The following AOAH variants were observed in gnomAD, a reference collection of about 807,000 sequenced individuals.
The protein encoded by AOAH is acyloxyacyl hydrolase.
Under a neutral mutation model 92.2 loss-of-function variants are expected in AOAH, and 64 were observed. The ratio of observed to expected loss-of-function variants is 0.69; its 90% CI spans 0.57 to 0.86. The LOEUF (loss-of-function observed/expected upper bound fraction) is 0.86. AOAH is among the 40% of genes least tolerant of loss of function. The probability of loss-of-function intolerance (pLI) is 0.00; values close to 1 mark genes in which losing one functional copy is unlikely to be tolerated. For missense variants in AOAH, 656 were observed against 694.6 expected, an observed-to-expected ratio of 0.94 and a Z score of 0.62; for synonymous variants, 263 against 254.5, an observed-to-expected ratio of 1.03 and a Z score of -0.32.
intron 19 of AOAH, 21 bp downstream of exon 19, chr7:36,530,397 T>C (rs1339807109): frequency 1.9e-6 from 3 of 1,543,248 alleles, no homozygotes; most frequent in Non-Finnish European, 2.7e-6. Flanking sequence ...CTTCTGTCAA[T>C]ACCCAAACAA....
chr7:36,623,286 C>A lies in AOAH; in HGVS notation c.522-36G>T. 1.9e-6 allele frequency: 3 copies of A among 1,584,842 alleles called. No individual in the cohort carries two copies. In the South Asian group the frequency reaches 3.3e-5, roughly 18 times the overall value. The stretch of plus-strand genomic sequence containing the variant: ...GAAAACAAAACAATCGGTGAGCTAA[C>A]AAAAAAAGTAACAGTGTTGGTGAAA... On this transcript the variant is annotated intron_variant, in intron 6 of 20. Coordinates refer to ENST00000617537, the MANE Select transcript of AOAH (RefSeq NM_001637.4).
At chr7:36,723,315 C>T (rs1178404324) in intron 1 of AOAH, among the ~76,000 whole-genome samples, 1 of 152,066 alleles carries the variant, frequency 6.6e-6, no homozygotes, top group Non-Finnish European at 1.5e-5. Flanking sequence ...AAAGATCTTA[C>T]CTTACTTCCT....
chr7:36,535,038 GTGTGTGTGTATGTGTC>G (rs1784944851), intron 16 of AOAH, among the ~76,000 whole-genome samples: 1 of 105,952 alleles, frequency 9.4e-6, no homozygotes, highest in African/African-American at 4.3e-5. Flanking sequence ...GTGTGTGTCT[GTGTGTGTGTATGTGTC>G]TGTGTGTGTG....
chr7:36,583,011 A>G (rs529521809), intron 12 of AOAH, among the ~76,000 whole-genome samples: 41 of 152,224 alleles, frequency 2.7e-4, no homozygotes, highest in African/African-American at 9.1e-4. Context: ...TGCCCAGCTA[A>G]TTTTTGTAAT....
At chr7:36,532,366 T>G (rs1392761188) in intron 16 of AOAH, 22 bp from the exon 17 acceptor site, 2 of 1,612,258 alleles carry the variant, frequency 1.2e-6, no homozygotes, top group Non-Finnish European at 1.7e-6. Context: ...AGAGGTCTGG[T>G]AGATTGCATC....
At position 36,516,731 on chromosome 7, in the gene AOAH, G is replaced by C. The variant is rs1028558168; in HGVS notation, c.1600-3351C>G. Among the ~76,000 whole-genome samples the C allele has an allele frequency of 1.3e-5, 2 of 152,116 alleles. No homozygotes were observed. The highest frequency in any genetic ancestry group is 4.8e-5 in the African/African-American group (2 of 41,400). ...CTGGTTCTTCTTTTTTGTGTTATTG[G>C]CTTTCAACTTGATACACCTAAGCTC... On this transcript the variant is annotated intron_variant, in intron 20 of 20. Coordinates refer to ENST00000617537, the MANE Select transcript of AOAH (RefSeq NM_001637.4). The surrounding 1 kb of genome is among the most constrained non-coding windows in gnomAD (Gnocchi z 5.0).
chr7:36,684,561 GT>G (rs1270548899), intron 2 of AOAH, among the ~76,000 whole-genome samples: 2 of 152,030 alleles, frequency 1.3e-5, no homozygotes, highest in African/African-American at 2.4e-5. Flanking sequence ...GAATATCACA[GT>G]TTTAAAACCC....
intron 20 of AOAH, among the ~76,000 whole-genome samples, chr7:36,521,632 G>A (rs531098990): frequency 3.8e-4 from 58 of 151,454 alleles, no homozygotes; most frequent in Non-Finnish European, 6.2e-4. Context: ...TTTCTCATGG[G>A]TCTCACTTCC....
chr7:36,592,143 C>A (rs888218738), intron 12 of AOAH, among the ~76,000 whole-genome samples: 22 of 152,086 alleles, frequency 1.4e-4, no homozygotes, highest in African/African-American at 5.1e-4. Context: ...GTCATAAAAG[C>A]CTTGATTGAG....
At chr7:36,642,309 T>C (rs1397330430) in intron 4 of AOAH, among the ~76,000 whole-genome samples, 1 of 151,950 alleles carries the variant, frequency 6.6e-6, no homozygotes, top group African/African-American at 2.4e-5. Context: ...CAGAACACTG[T>C]GCAAAGGAAG....
intron 16 of AOAH, 63 bp from the exon 17 acceptor site, chr7:36,532,407 TG>T (rs1784751018): frequency 2.0e-6 from 3 of 1,503,912 alleles, no homozygotes; most frequent in Non-Finnish European, 2.8e-6. Flanking sequence ...TAGAGGCACC[TG>T]GGGGCTTCCC....
chr7:36,602,634 G>A (rs548201856), intron 11 of AOAH, among the ~76,000 whole-genome samples: 3 of 152,034 alleles, frequency 2.0e-5, no homozygotes, highest in African/African-American at 7.2e-5. Flanking sequence ...AAATGAGCAC[G>A]AAGAGGTACA....
At chr7:36,653,990 G>T (rs1005660612) in intron 4 of AOAH, among the ~76,000 whole-genome samples, 1 of 152,160 alleles carries the variant, frequency 6.6e-6, no homozygotes, top group Non-Finnish European at 1.5e-5. Context: ...AGAACCACTG[G>T]ATACACACGA....
chr7:36,546,104 C>T (rs1785784207), intron 15 of AOAH, among the ~76,000 whole-genome samples: 1 of 152,214 alleles, frequency 6.6e-6, no homozygotes, highest in African/African-American at 2.4e-5. Flanking sequence ...CTTCCTGATG[C>T]TAAAAGCTAT....
At chr7:36,607,779 C>G (rs962543072) in intron 11 of AOAH, among the ~76,000 whole-genome samples, 1 of 152,192 alleles carries the variant, frequency 6.6e-6, no homozygotes, top group African/African-American at 2.4e-5. Flanking sequence ...CTTTTCCTTC[C>G]TCTTGCTGGC....
intron 1 of AOAH, among the ~76,000 whole-genome samples, chr7:36,720,080 A>G (rs1269604774): frequency 2.0e-5 from 3 of 152,086 alleles, no homozygotes; most frequent in Non-Finnish European, 4.4e-5. Context: ...CTTTGAGATA[A>G]CTGAAGCTTC....
At chr7:36,670,053 G>A (rs1795816825) in intron 3 of AOAH, among the ~76,000 whole-genome samples, 1 of 148,410 alleles carries the variant, frequency 6.7e-6, no homozygotes, top group Non-Finnish European at 1.5e-5. Flanking sequence ...GAGTTCTCAG[G>A]TATCCTTTTT....
intron 6 of AOAH, among the ~76,000 whole-genome samples, chr7:36,631,506 G>C (rs1793098134): frequency 1.3e-5 from 2 of 152,198 alleles, no homozygotes; most frequent in East Asian, 3.9e-4. Flanking sequence ...AGTGGAGCTG[G>C]AATATGGACA....
chr7:36,724,467 G>A lies in AOAH; in HGVS notation c.-319C>T. The A allele has an allele frequency of 4.3e-6, 1 of 230,736 alleles. No homozygotes were observed. 14.3% of individuals were successfully genotyped at this position (230,736 alleles called of 1,614,324 possible). Reference sequence around the variant, plus strand: ...TAAAGAAAACCCAAGTTGCACAGTGGCACAACTTCCGTGCTCCCTGGCTCA... The same window carrying A: ...TAAAGAAAACCCAAGTTGCACAGTGACACAACTTCCGTGCTCCCTGGCTCA... On this transcript the variant is annotated 5_prime_UTR_variant, in exon 1 of 21. Transcript: ENST00000617537.
Sources: gnomAD v4.1 joint callset for allele counts (sites outside exome capture counted in the v4.1 genomes callset) on GRCh38, gnomAD v4.1.1 for gene constraint, Gnocchi (gnomAD v3.1) non-coding constraint, MANE v1.5 for transcripts, NCBI Gene and HGNC (gene_info 2026-07-23, HGNC 2026-07-21) for gene names.